The following BIRC6 variants were observed in gnomAD, a reference collection of about 807,000 sequenced individuals.
BIRC6 encodes the protein dual E2 ubiquitin-conjugating enzyme/E3 ubiquitin-protein ligase BIRC6.
BIRC6 carries 98 observed loss-of-function variants against 503.3 expected under a neutral mutation model. The observed-to-expected ratio is 0.19, with a 90% CI of 0.17 to 0.23. The LOEUF (loss-of-function observed/expected upper bound fraction) is 0.23. Ranked by LOEUF, BIRC6 falls within the 10% of genes least tolerant of loss-of-function variation. The pLI is 1.00. For synonymous variants in BIRC6, 2,240 were observed against 2,078.7 expected (o/e 1.08, Z -2.11); for missense variants, 5,360 against 5,806.0 (o/e 0.92, Z 2.50).
Position 32,468,242 on chromosome 2 carries a change from C to G in BIRC6, c.5780+131C>G, listed in dbSNP as rs1052586873. ...AGAGCAAGAGGAAGTAGGAGATTAGCACGTTACAATAACACTTAATGCGTG... is the reference window on the plus strand; with the variant it reads ...AGAGCAAGAGGAAGTAGGAGATTAGGACGTTACAATAACACTTAATGCGTG... On this transcript the variant is annotated intron_variant, in intron 28 of 73. Transcript: ENST00000421745. 9 of 1,044,886 alleles carry G rather than the reference C, an allele frequency of 8.6e-6. No homozygotes were observed. The African/African-American group carries it at 1.3e-4, about 15-fold the overall frequency. 64.7% of individuals were successfully genotyped at this position (1,044,886 alleles called of 1,614,324 possible).
At chr2:32,567,957 A>C (rs72858104) in intron 65 of BIRC6, among the ~76,000 whole-genome samples, 1,662 of 152,058 alleles carry the variant, frequency 0.011, 35 homozygotes, top group African/African-American at 0.038. Flanking sequence ...AATAATAATT[A>C]AAAAATTAGC....
chr2:32,553,465 G>T (rs914768262), intron 65 of BIRC6, among the ~76,000 whole-genome samples: 1 of 151,830 alleles, frequency 6.6e-6, no homozygotes, highest in African/African-American at 2.4e-5. Context: ...TTGGCTCACA[G>T]CAACCTCCGC....
chr2:32,443,648 A>C, intron 20 of BIRC6, 60 bp downstream of exon 20: 1 of 1,240,372 alleles, frequency 8.1e-7, no homozygotes, highest in East Asian at 2.5e-5. Flanking sequence ...TCATATGTAT[A>C]CTTAGGATTA....
chr2:32,423,789 A>G (rs2043189741), intron 10 of BIRC6, among the ~76,000 whole-genome samples: 1 of 152,124 alleles, frequency 6.6e-6, no homozygotes, highest in African/African-American at 2.4e-5. Context: ...TAAATTACTC[A>G]CCATTCTGAG....
chr2:32,510,843 A>G lies in BIRC6; in HGVS notation c.10346+209A>G, dbSNP rs571962766. On this transcript the variant is annotated intron_variant, in intron 53 of 73. Transcript: ENST00000421745. ...GTATGTGTTTGGACATACTTTAAGC[A>G]AATTTGAACTTAAATAGAATTCTTT... Among the ~76,000 whole-genome samples the G allele has an allele frequency of 2.6e-5, 4 of 152,212 alleles. 1 individual carries two copies. In the South Asian group the frequency reaches 8.3e-4, roughly 32 times the overall value.
intron 37 of BIRC6, among the ~76,000 whole-genome samples, chr2:32,481,102 T>G (rs1572523407): frequency 6.6e-6 from 1 of 152,182 alleles, no homozygotes; most frequent in East Asian, 1.9e-4. Context: ...CTTACTTCAA[T>G]AAGAGCTAAT....
intron 65 of BIRC6, among the ~76,000 whole-genome samples, chr2:32,573,564 G>A (rs981521240): frequency 2.6e-5 from 4 of 152,082 alleles, no homozygotes; most frequent in African/African-American, 7.2e-5. Flanking sequence ...CTTATCTCAC[G>A]TTATTCACAA....
chr2:32,548,706 C>G (rs1298192114), intron 64 of BIRC6: 1 of 152,084 alleles, frequency 6.6e-6, no homozygotes, highest in Non-Finnish European at 1.5e-5. Flanking sequence ...CACTTAAACC[C>G]GGGAGGCAGA....
intron 5 of BIRC6, among the ~76,000 whole-genome samples, chr2:32,393,381 T>C (rs1249454522): frequency 2.0e-5 from 3 of 150,620 alleles, no homozygotes; most frequent in Non-Finnish European, 4.5e-5. Context: ...TTTAGCTAGA[T>C]GTAATATGTT....
chr2:32,599,941 G>A (rs375230487), intron 70 of BIRC6, 41 bp downstream of exon 70: 116 of 1,571,404 alleles, frequency 7.4e-5, no homozygotes, highest in Non-Finnish European at 9.8e-5. Flanking sequence ...GCCAATGATT[G>A]TATACAAAGG....
rs144661598 is a variant in BIRC6, at chr2:32,436,121, A to G, written c.3568A>G (p.Ser1190Gly). 6.3e-5 allele frequency: 95 copies of G among 1,501,008 alleles called. No individual in the cohort carries two copies. The highest frequency in any genetic ancestry group is 7.6e-5 in the Non-Finnish European group (84 of 1,111,892). The allele number at this position is 1,501,008 out of a possible 1,614,324, so 93.0% of individuals were successfully genotyped here. The change falls in exon 15 of 74, where the codon AGT becomes GGT. Residue 1190 changes from serine to glycine, a missense_variant. Physicochemically the swap from Ser to Gly is moderately conservative, Grantham distance 56 (BLOSUM62 0). Transcript: ENST00000421745. ...TCTATGTGGGCCAGTATGGCTTGCT[A>G]GTGGCCTTGATCTATCAGGGCATGC... ...DILCGPVWLA[S>G]GLDLSGHAGM...
chr2:32,454,520 TAC>T (rs2047035869), intron 23 of BIRC6, among the ~76,000 whole-genome samples: 1 of 152,172 alleles, frequency 6.6e-6, no homozygotes, highest in South Asian at 2.1e-4. Flanking sequence ...GGTATTTATT[TAC>T]AGTTACTTCT....
rs2033297691 is a variant in BIRC6, at chr2:32,357,623, C to T, written c.325+137C>T. The T allele has an allele frequency of 1.4e-6, 2 of 1,409,810 alleles. No individual in the cohort carries two copies. The highest frequency in any genetic ancestry group is 1.9e-6 in the Non-Finnish European group (2 of 1,080,482). 87.3% of individuals were successfully genotyped at this position (1,409,810 alleles called of 1,614,324 possible). On this transcript the variant is annotated intron_variant, in intron 1 of 73. Coordinates refer to ENST00000421745, the MANE Select transcript of BIRC6 (RefSeq NM_016252.4). The surrounding 1 kb of genome is among the most constrained non-coding windows in gnomAD (Gnocchi z 4.9). ...GTTCGGGCCCAGCCGTGAAGGGAGG[C>T]CCGGAAGCTGATGGAGGGGGACCTT...
intron 23 of BIRC6, among the ~76,000 whole-genome samples, chr2:32,457,378 G>T (rs2047372000): frequency 6.6e-6 from 1 of 151,908 alleles, no homozygotes; most frequent in South Asian, 2.1e-4. Flanking sequence ...ATTTCTCATT[G>T]TCCTGATGGT....
chr2:32,474,109 C>T (rs1333137245), intron 33 of BIRC6, among the ~76,000 whole-genome samples: 2 of 152,062 alleles, frequency 1.3e-5, no homozygotes, highest in East Asian at 1.9e-4. Flanking sequence ...TATGAAAATC[C>T]TTAGCTCTGG....
intron 15 of BIRC6, among the ~76,000 whole-genome samples, chr2:32,436,459 C>T (rs2044712049): frequency 6.6e-6 from 1 of 152,172 alleles, no homozygotes; most frequent in Admixed American, 6.5e-5. Context: ...TAACAGAGCT[C>T]TTTTGAGTAA....
rs563505188 is a variant in BIRC6, at chr2:32,465,068, C to T, written c.5260C>T (p.Pro1754Ser). ...NKNSNKSRMN[P>S]LGSGLALAIS... Reference sequence around the variant, plus strand: ...TTTTTTTTTTTCCCTGCTCTAGAATCCACTTGGTTCTGGTCTAGCCCTTGC... The same window carrying T: ...TTTTTTTTTTTCCCTGCTCTAGAATTCACTTGGTTCTGGTCTAGCCCTTGC... The change falls in exon 26 of 74, where the codon CCA becomes TCA. Residue 1754 changes from proline to serine, a missense_variant. Pro to Ser is a moderately conservative substitution (Grantham distance 74). Coordinates refer to ENST00000421745, the MANE Select transcript of BIRC6 (RefSeq NM_016252.4). The T allele has an allele frequency of 7.6e-6, 12 of 1,575,420 alleles. No individual in the cohort carries two copies. The highest frequency in any genetic ancestry group is 1.4e-5 in the African/African-American group (1 of 73,274).
chr2:32,391,202 T>C (rs2039188336), intron 4 of BIRC6, among the ~76,000 whole-genome samples: 1 of 152,120 alleles, frequency 6.6e-6, no homozygotes, highest in Non-Finnish European at 1.5e-5. Context: ...ATGCAGCCAT[T>C]AGATGGGATA....
At chr2:32,419,600 G>A (rs1300668506) in intron 10 of BIRC6, among the ~76,000 whole-genome samples, 3 of 152,082 alleles carry the variant, frequency 2.0e-5, no homozygotes, top group Admixed American at 6.5e-5. Context: ...GTATAAGATA[G>A]GGTGCAGTTA....
Sources: allele counts gnomAD v4.1 joint callset (sites outside exome capture counted in the v4.1 genomes callset), GRCh38; gene constraint gnomAD v4.1.1; non-coding constraint Gnocchi (gnomAD v3.1); transcripts MANE v1.5; gene names NCBI Gene and HGNC (gene_info 2026-07-23, HGNC 2026-07-21).